Variants in TFCP2 observed in about 807,000 individuals in gnomAD.
TFCP2 encodes alpha-globin transcription factor CP2.
Under a neutral mutation model 73.4 loss-of-function variants are expected in TFCP2, and 33 were observed. The observed-to-expected ratio is 0.45, with a 90% CI of 0.34 to 0.60. The LOEUF is 0.60. Among genes scored for constraint, TFCP2 ranks in the 20% least tolerant of loss-of-function variants. The pLI, the probability that TFCP2 is intolerant of heterozygous loss-of-function variation, is 0.01. For synonymous variants in TFCP2, 193 were observed against 211.6 expected (o/e 0.91, Z 0.76); for missense variants, 352 against 604.0 (o/e 0.58, Z 4.37).
chr12:51,137,009 C>A (rs1941077919), intron 1 of TFCP2, among the ~76,000 whole-genome samples: 2 of 152,214 alleles, frequency 1.3e-5, no homozygotes, highest in South Asian at 4.1e-4. Flanking sequence ...GAGAGAGATA[C>A]CTGTCATTTG....
At chr12:51,114,328 G>A (rs1026829770) in intron 4 of TFCP2, among the ~76,000 whole-genome samples, 20 of 152,184 alleles carry the variant, frequency 1.3e-4, no homozygotes, top group African/African-American at 3.6e-4. Context: ...ATGATGGGCC[G>A]GGAGCCTTGG....
intron 13 of TFCP2, among the ~76,000 whole-genome samples, chr12:51,098,282 C>T (rs970121829): frequency 2.6e-5 from 4 of 151,884 alleles, no homozygotes; most frequent in Admixed American, 2.6e-4. Flanking sequence ...TAAACTTTAA[C>T]AAAAAATTTT....
intron 14 of TFCP2, 45 bp from the exon 15 acceptor site, chr12:51,095,323 A>G: frequency 1.3e-6 from 2 of 1,593,938 alleles, no homozygotes; most frequent in Non-Finnish European, 8.6e-7. Context: ...AGTCACCTCT[A>G]AAACACAGCA....
At chr12:51,105,020 T>G (rs183651281) in intron 8 of TFCP2, among the ~76,000 whole-genome samples, 1 of 151,396 alleles carries the variant, frequency 6.6e-6, no homozygotes, top group Non-Finnish European at 1.5e-5. Context: ...CAAAAAAAAT[T>G]ATTTTTAAAG....
At chr12:51,130,201 G>A (rs1276740638) in intron 1 of TFCP2, among the ~76,000 whole-genome samples, 2 of 152,184 alleles carry the variant, frequency 1.3e-5, no homozygotes, top group Admixed American at 6.5e-5. Context: ...GCCGGGCGCA[G>A]TGGCTCACGC....
At chr12:51,154,424 T>C (rs1039842052) in intron 1 of TFCP2, among the ~76,000 whole-genome samples, 11 of 152,238 alleles carry the variant, frequency 7.2e-5, no homozygotes, top group African/African-American at 1.7e-4. Context: ...CTGGGCACAG[T>C]GGCTCACGCC....
chr12:51,165,691 C>T (rs955231792), intron 1 of TFCP2, among the ~76,000 whole-genome samples: 3 of 152,056 alleles, frequency 2.0e-5, no homozygotes, highest in South Asian at 4.1e-4. Flanking sequence ...GACAGTTGTA[C>T]AACAACGTAA....
intron 1 of TFCP2, among the ~76,000 whole-genome samples, chr12:51,129,196 G>A (rs981828731): frequency 1.3e-5 from 2 of 152,014 alleles, no homozygotes; most frequent in African/African-American, 4.8e-5. Context: ...AGTTCTGAGT[G>A]TACAAATTTG....
chr12:51,153,225 A>C (rs559532087), intron 1 of TFCP2, among the ~76,000 whole-genome samples: 6 of 152,210 alleles, frequency 3.9e-5, no homozygotes, highest in African/African-American at 1.2e-4. Flanking sequence ...ATTTTTAAAA[A>C]ATTAGCTAGG....
At position 51,105,342 on chromosome 12, in the gene TFCP2, T is replaced by C. The variant is rs529854841; in HGVS notation, c.918-1139A>G. ...CTCCTGACATCGTAATCTGCCCACC[T>C]TGGCTTCCCAAAGTGCTGGGATTGC... On this transcript the variant is annotated intron_variant, in intron 8 of 14. Transcript: ENST00000257915. Among the ~76,000 whole-genome samples, 10 of 152,190 alleles carry C rather than the reference T, an allele frequency of 6.6e-5. 1 individual carries two copies. The South Asian group carries it at 2.1e-3, about 32-fold the overall frequency.
intron 1 of TFCP2, among the ~76,000 whole-genome samples, chr12:51,160,530 C>G (rs1941626557): frequency 6.6e-6 from 1 of 151,898 alleles, no homozygotes; most frequent in African/African-American, 2.4e-5. Context: ...ACAAAGGGTT[C>G]TTTCTGTGTA....
chr12:51,102,001 C>T lies in TFCP2; in HGVS notation c.1085G>A (p.Arg362Lys), dbSNP rs756225214. 1.2e-6 allele frequency: 2 copies of T among 1,612,682 alleles called. No homozygotes were observed. The highest frequency in any genetic ancestry group is 1.7e-6 in the Non-Finnish European group (2 of 1,178,986). ...FSGADLLKLT[R>K]DDVIQICGPA... ...GCCACAGATTTGGATCACATCATCT[C>T]TAGTTAATTTCAATAAATCTGCCCC... Residue 362 changes from arginine (R) to lysine (K), a missense_variant, in exon 11 of 15, where the codon AGA becomes AAA. By Grantham distance (26) the Arg-to-Lys change is conservative (BLOSUM62 2). Transcript: ENST00000257915.
At chr12:51,134,512 G>A (rs1158963101) in intron 1 of TFCP2, among the ~76,000 whole-genome samples, 5 of 152,112 alleles carry the variant, frequency 3.3e-5, no homozygotes, top group African/African-American at 1.2e-4. Context: ...TCTTAAACTT[G>A]TGAGCTCAAG....
intron 1 of TFCP2, among the ~76,000 whole-genome samples, chr12:51,162,386 C>T (rs755545664): frequency 5.4e-5 from 8 of 148,574 alleles, no homozygotes; most frequent in Non-Finnish European, 1.2e-4. Context: ...GTGGAGGTTG[C>T]AGTGAGCCAA....
intron 4 of TFCP2, among the ~76,000 whole-genome samples, chr12:51,113,768 G>A (rs1940455275): frequency 6.6e-6 from 1 of 152,162 alleles, no homozygotes; most frequent in Non-Finnish European, 1.5e-5. Flanking sequence ...GGTCAAATGA[G>A]TTTTGACAAG....
chr12:51,104,288 C>T, intron 8 of TFCP2, 85 bp from the exon 9 acceptor site: 1 of 1,197,740 alleles, frequency 8.3e-7, no homozygotes, highest in Middle Eastern at 2.0e-4. Flanking sequence ...CAATAAATCT[C>T]ATGCTAGAGA....
intron 4 of TFCP2, among the ~76,000 whole-genome samples, chr12:51,114,377 G>T (rs574500373): frequency 6.6e-6 from 1 of 152,222 alleles, no homozygotes; most frequent in African/African-American, 2.4e-5. Flanking sequence ...AGGCCAAGGC[G>T]GGTGGATCAC....
chr12:51,146,453 G>A (rs1372232393), intron 1 of TFCP2, among the ~76,000 whole-genome samples: 19 of 132,126 alleles, frequency 1.4e-4, no homozygotes, highest in Non-Finnish European at 4.6e-5. Flanking sequence ...CATATGAAAA[G>A]GTGCTGGCCT....
At chr12:51,128,868 G>A (rs1940875474) in intron 1 of TFCP2, among the ~76,000 whole-genome samples, 1 of 152,110 alleles carries the variant, frequency 6.6e-6, no homozygotes, top group African/African-American at 2.4e-5. Context: ...TATCTGGGAT[G>A]GGAAAAGTAA....
Sources: allele counts gnomAD v4.1 joint callset (sites outside exome capture counted in the v4.1 genomes callset), GRCh38; gene constraint gnomAD v4.1.1; transcripts MANE v1.5; gene names NCBI Gene and HGNC (gene_info 2026-07-23, HGNC 2026-07-21).